The following GREM2 variants were observed in gnomAD, a reference collection of about 807,000 sequenced individuals.
GREM2 encodes gremlin 2, DAN family BMP antagonist.
In GREM2, 11 loss-of-function variants were observed where a neutral mutation model predicts 14.2. The ratio of observed to expected loss-of-function variants is 0.78; its 90% CI spans 0.49 to 1.28. The LOEUF (loss-of-function observed/expected upper bound fraction) is 1.28. GREM2 is among the 50% of genes most tolerant of loss of function. The pLI, the probability that GREM2 is intolerant of heterozygous loss-of-function variation, is 0.00. For synonymous variants in GREM2, 98 were observed against 97.6 expected, an observed-to-expected ratio of 1.00 and a Z score of -0.02; for missense variants, 210 against 218.5, an observed-to-expected ratio of 0.96 and a Z score of 0.24.
chr1:240,569,291 T>C (rs1344208825), intron 1 of GREM2, among the ~76,000 whole-genome samples: 1 of 152,204 alleles, frequency 6.6e-6, no homozygotes, highest in Non-Finnish European at 1.5e-5. Flanking sequence ...ATGGATCTAC[T>C]GATTTGATTC....
chr1:240,559,637 C>T (rs1275497808), intron 1 of GREM2, among the ~76,000 whole-genome samples: 1 of 152,082 alleles, frequency 6.6e-6, no homozygotes, highest in Non-Finnish European at 1.5e-5. Flanking sequence ...AGCCACTGCG[C>T]CTGGCCAAAA....
intron 1 of GREM2, among the ~76,000 whole-genome samples, chr1:240,506,937 C>T (rs190823792): frequency 5.9e-5 from 9 of 152,108 alleles, no homozygotes; most frequent in East Asian, 3.9e-4. Flanking sequence ...TGGGCTTTAG[C>T]GTGTTGAAGG....
intron 1 of GREM2, among the ~76,000 whole-genome samples, chr1:240,533,824 A>AT (rs1228224221): frequency 6.6e-6 from 1 of 152,208 alleles, no homozygotes; most frequent in East Asian, 1.9e-4. Flanking sequence ...TGCTTCCATT[A>AT]TTGGGAAACT....
chr1:240,582,857 A>C (rs946978812), intron 1 of GREM2, among the ~76,000 whole-genome samples: 10 of 151,242 alleles, frequency 6.6e-5, no homozygotes, highest in Admixed American at 6.6e-4. Context: ...AAGGAACAAA[A>C]TTTTTTTAAA....
chr1:240,531,686 AT>A, intron 1 of GREM2: 1 of 978,144 alleles, frequency 1.0e-6, no homozygotes. Context: ...GAGTGCTCTC[AT>A]TTTTCTTTTC....
chr1:240,573,391 G>A (rs2103366641), intron 1 of GREM2, among the ~76,000 whole-genome samples: 1 of 152,124 alleles, frequency 6.6e-6, no homozygotes, highest in East Asian at 1.9e-4. Flanking sequence ...TTTGGCTCAG[G>A]CTTCGTATAT....
At chr1:240,507,549 T>C (rs1677706511) in intron 1 of GREM2, among the ~76,000 whole-genome samples, 1 of 152,084 alleles carries the variant, frequency 6.6e-6, no homozygotes, top group South Asian at 2.1e-4. Flanking sequence ...GCCAAGGTGG[T>C]CTCAAATTCC....
At chr1:240,596,674 G>A (rs750451357) in intron 1 of GREM2, among the ~76,000 whole-genome samples, 19 of 151,260 alleles carry the variant, frequency 1.3e-4, no homozygotes, top group Non-Finnish European at 2.4e-4. Context: ...TCCAGCCTGG[G>A]CAACAAGAAA....
intron 1 of GREM2, among the ~76,000 whole-genome samples, chr1:240,598,141 A>G (rs1679856197): frequency 6.6e-6 from 1 of 152,206 alleles, no homozygotes. Context: ...CCATCAAGAA[A>G]CAACAGGAAT....
At chr1:240,518,103 G>A (rs774741536) in intron 1 of GREM2, among the ~76,000 whole-genome samples, 2 of 152,156 alleles carry the variant, frequency 1.3e-5, no homozygotes, top group African/African-American at 2.4e-5. Context: ...AGGCAACATC[G>A]TACGAAGCAG....
intron 1 of GREM2, among the ~76,000 whole-genome samples, chr1:240,502,173 G>A (rs1324250292): frequency 2.0e-5 from 3 of 151,912 alleles, no homozygotes; most frequent in South Asian, 4.2e-4. Context: ...AAATTCAAGA[G>A]GCCTGTCTAA....
intron 1 of GREM2, among the ~76,000 whole-genome samples, chr1:240,545,484 CTAAAATTGTA>C (rs759372248): frequency 0.5 from 75,848 of 151,722 alleles, 20,881 homozygotes; most frequent in African/African-American, 0.74. Context: ...CTAATTGTAA[CTAAAATTGTA>C]CAAATTGTAC....
intron 1 of GREM2, among the ~76,000 whole-genome samples, chr1:240,561,336 G>A (rs887977154): frequency 5.9e-5 from 9 of 152,238 alleles, no homozygotes; most frequent in East Asian, 5.8e-4. Context: ...TCACCCACAA[G>A]GGAGTTAAAA....
chr1:240,521,752 C>G (rs1678104040), intron 1 of GREM2, among the ~76,000 whole-genome samples: 1 of 152,050 alleles, frequency 6.6e-6, no homozygotes, highest in African/African-American at 2.4e-5. Context: ...TGTAAGGCCA[C>G]CAACATTTCA....
intron 1 of GREM2, among the ~76,000 whole-genome samples, chr1:240,576,352 T>C (rs1289187136): frequency 6.6e-6 from 1 of 152,210 alleles, no homozygotes; most frequent in Non-Finnish European, 1.5e-5. Flanking sequence ...GGATCTTCCT[T>C]CCCTCTCTTG....
intron 1 of GREM2, among the ~76,000 whole-genome samples, chr1:240,609,380 T>C (rs549515236): frequency 6.6e-5 from 10 of 152,208 alleles, no homozygotes; most frequent in African/African-American, 2.4e-4. Flanking sequence ...GAGGACCACA[T>C]TTTAGCCTGA....
At chr1:240,534,692 CAAAA>C (rs5782153) in intron 1 of GREM2, among the ~76,000 whole-genome samples, 1 of 115,360 alleles carries the variant, frequency 8.7e-6, no homozygotes, top group Non-Finnish European at 2.0e-5. Flanking sequence ...GACTCCATCT[CAAAA>C]AAAAAAAAAA....
intron 1 of GREM2, among the ~76,000 whole-genome samples, chr1:240,601,136 A>G (rs1443853684): frequency 6.6e-6 from 1 of 152,206 alleles, no homozygotes; most frequent in Non-Finnish European, 1.5e-5. Flanking sequence ...ACTAATATCA[A>G]AAGCCTGCAA....
intron 1 of GREM2, among the ~76,000 whole-genome samples, chr1:240,534,692 C>CAAAAAA (rs5782153): frequency 2.6e-5 from 3 of 115,434 alleles, no homozygotes; most frequent in Admixed American, 9.1e-5. Context: ...GACTCCATCT[C>CAAAAAA]AAAAAAAAAA....
Sources: allele counts gnomAD v4.1 joint callset (sites outside exome capture counted in the v4.1 genomes callset), GRCh38; gene constraint gnomAD v4.1.1; transcripts MANE v1.5; gene names NCBI Gene and HGNC (gene_info 2026-07-23, HGNC 2026-07-21).